Variants in AMOTL1 observed in about 807,000 individuals in gnomAD.
AMOTL1 encodes the protein angiomotin like 1, also known as angiomotin-like protein 1.
AMOTL1 carries 45 observed loss-of-function variants against 102.9 expected under a neutral mutation model. The ratio of observed to expected loss-of-function variants is 0.44; its 90% CI spans 0.34 to 0.56. AMOTL1 has a LOEUF of 0.56. AMOTL1 is among the 20% of genes least tolerant of loss of function. AMOTL1 has a pLI of 0.01. For synonymous variants in AMOTL1, 481 were observed against 484.7 expected (o/e 0.99, Z 0.10); for missense variants, 1,114 against 1,225.6 (o/e 0.91, Z 1.36).
chr11:94,729,169 C>A, intron 2 of AMOTL1: 1 of 702,798 alleles, frequency 1.4e-6, no homozygotes, highest in Non-Finnish European at 2.1e-6. Flanking sequence ...TCAAAAGCAG[C>A]TGAGTGGAGA....
intron 3 of AMOTL1, among the ~76,000 whole-genome samples, chr11:94,820,069 C>T (rs1951836544): frequency 6.6e-6 from 1 of 152,182 alleles, no homozygotes; most frequent in African/African-American, 2.4e-5. Flanking sequence ...CCTCCCTTAC[C>T]TCAGCAAAAC....
At chr11:94,823,723 T>A (rs1951912515) in intron 4 of AMOTL1, among the ~76,000 whole-genome samples, 1 of 151,604 alleles carries the variant, frequency 6.6e-6, no homozygotes, top group African/African-American at 2.4e-5. Context: ...CATGTACTTT[T>A]TTTTTTTTTT....
intron 12 of AMOTL1, among the ~76,000 whole-genome samples, chr11:94,869,751 C>T (rs1302283290): frequency 6.6e-6 from 1 of 152,190 alleles, no homozygotes; most frequent in Non-Finnish European, 1.5e-5. Context: ...GATGGAGTGA[C>T]AACAGACCCT....
intron 4 of AMOTL1, among the ~76,000 whole-genome samples, chr11:94,828,002 G>A (rs1951999095): frequency 6.6e-6 from 1 of 152,064 alleles, no homozygotes; most frequent in Admixed American, 6.6e-5. Context: ...TCTGTCATCT[G>A]TACGTTGAGG....
intron 6 of AMOTL1, among the ~76,000 whole-genome samples, chr11:94,842,222 G>A (rs192559263): frequency 1.2e-4 from 18 of 152,202 alleles, no homozygotes; most frequent in Non-Finnish European, 2.2e-4. Context: ...TATAAGACAC[G>A]TCGGTTATCT....
intron 3 of AMOTL1, among the ~76,000 whole-genome samples, chr11:94,747,905 T>A (rs887613161): frequency 2.9e-4 from 44 of 152,174 alleles, no homozygotes; most frequent in African/African-American, 1.1e-3. Flanking sequence ...CTTCTCCTCA[T>A]TTTCCAAGGG....
At chr11:94,770,820 G>T (rs1950938297) in intron 1 of AMOTL1, among the ~76,000 whole-genome samples, 1 of 152,202 alleles carries the variant, frequency 6.6e-6, no homozygotes, top group South Asian at 2.1e-4. Context: ...GTGATTTTAT[G>T]GGAAAGCACT....
chr11:94,861,328 GT>G (rs199614155), intron 9 of AMOTL1, among the ~76,000 whole-genome samples: 3 of 150,746 alleles, frequency 2.0e-5, no homozygotes, highest in South Asian at 2.1e-4. Context: ...AATTGAAATG[GT>G]TTTTTTTTCA....
At chr11:94,786,138 G>A (rs1951184508) in intron 1 of AMOTL1, among the ~76,000 whole-genome samples, 1 of 152,094 alleles carries the variant, frequency 6.6e-6, no homozygotes, top group Non-Finnish European at 1.5e-5. Context: ...GGTACTTTCA[G>A]TCTTTTTGTT....
chr11:94,866,299 G>T (rs965610014), intron 11 of AMOTL1, 131 bp downstream of exon 11: 9 of 868,704 alleles, frequency 1.0e-5, no homozygotes, highest in African/African-American at 3.4e-5. Flanking sequence ...AGTGGGGAGG[G>T]AAATCAGTCA....
chr11:94,787,582 G>A (rs1221932955), intron 1 of AMOTL1, among the ~76,000 whole-genome samples: 1 of 150,914 alleles, frequency 6.6e-6, no homozygotes, highest in Non-Finnish European at 1.5e-5. Flanking sequence ...CAGCTACACG[G>A]GAGGCTGAGG....
intron 1 of AMOTL1, among the ~76,000 whole-genome samples, chr11:94,712,594 A>G (rs1298784792): frequency 6.6e-6 from 1 of 152,062 alleles, no homozygotes; most frequent in East Asian, 1.9e-4. Flanking sequence ...CATCTGACAA[A>G]GGTCTAATAT....
At chr11:94,780,481 A>G (rs1377092352) in intron 1 of AMOTL1, among the ~76,000 whole-genome samples, 1 of 152,236 alleles carries the variant, frequency 6.6e-6, no homozygotes, top group African/African-American at 2.4e-5. Context: ...ATTTTAGCAT[A>G]GTTTGTTAGC....
chr11:94,736,482 C>G (rs537423576), intron 2 of AMOTL1, among the ~76,000 whole-genome samples: 1 of 152,222 alleles, frequency 6.6e-6, no homozygotes, highest in Admixed American at 6.5e-5. Flanking sequence ...GAACTCCTGA[C>G]CTCAGGTGAT....
chr11:94,810,820 G>A (rs1484107122), intron 3 of AMOTL1, among the ~76,000 whole-genome samples: 2 of 130,238 alleles, frequency 1.5e-5, no homozygotes, highest in Non-Finnish European at 3.2e-5. Context: ...TCCTAGGAGA[G>A]AAAAATAAAA....
intron 3 of AMOTL1, among the ~76,000 whole-genome samples, chr11:94,751,011 A>T (rs1483837897): frequency 2.0e-5 from 3 of 152,178 alleles, no homozygotes; most frequent in Non-Finnish European, 4.4e-5. Flanking sequence ...GCTAGAGGCA[A>T]AGATTAGATT....
chr11:94,787,359 G>GGAT (rs1010648528), intron 1 of AMOTL1, among the ~76,000 whole-genome samples: 3 of 152,092 alleles, frequency 2.0e-5, no homozygotes, highest in African/African-American at 7.2e-5. Flanking sequence ...TTGGTGCCAA[G>GGAT]GATAGGTAGG....
chr11:94,750,632 A>T (rs1331857099), intron 3 of AMOTL1, among the ~76,000 whole-genome samples: 1 of 152,048 alleles, frequency 6.6e-6, no homozygotes, highest in Non-Finnish European at 1.5e-5. Context: ...TGTACCCTAG[A>T]TCTCTCCACC....
intron 3 of AMOTL1, among the ~76,000 whole-genome samples, chr11:94,818,731 A>C (rs1449915617): frequency 6.6e-6 from 1 of 152,180 alleles, no homozygotes; most frequent in African/African-American, 2.4e-5. Flanking sequence ...TTTCCTGGCT[A>C]CACGTCTCCA....
Sources: gnomAD v4.1 joint callset for allele counts (sites outside exome capture counted in the v4.1 genomes callset) on GRCh38, gnomAD v4.1.1 for gene constraint, MANE v1.5 for transcripts, NCBI Gene and HGNC (gene_info 2026-07-23, HGNC 2026-07-21) for gene names.